The following ZNF185 variants were observed in gnomAD, a reference collection of about 807,000 sequenced individuals.
ZNF185 encodes the protein zinc finger protein 185.
Under a neutral mutation model 58.6 loss-of-function variants are expected in ZNF185, and 56 were observed. That is an observed-to-expected ratio of 0.95 (90% CI 0.77 to 1.19). The LOEUF (loss-of-function observed/expected upper bound fraction) is 1.19. ZNF185 is among the 50% of genes most tolerant of loss of function. The pLI is 0.00. For missense variants in ZNF185, 627 were observed against 573.5 expected (o/e 1.09, Z -0.95); for synonymous variants, 230 against 215.9 (o/e 1.07, Z -0.57).
upstream of ZNF185, chrX:152,914,424 T>C: frequency 2.0e-6 from 2 of 1,021,381 alleles, no homozygotes; most frequent in Non-Finnish European, 1.3e-6. Flanking sequence ...AGTGACAGCA[T>C]TTGCTTACCT....
chrX:152,899,453 A>C, the ZNF185 span, among the ~76,000 whole-genome samples: 8 of 112,825 alleles, frequency 7.1e-5, no homozygotes, highest in African/African-American at 2.6e-4. Flanking sequence ...TGTTCCCCTC[A>C]TCGCTCCCAG....
intron 9 of ZNF185, among the ~76,000 whole-genome samples, chrX:152,921,210 G>A (rs1556869395): frequency 8.9e-6 from 1 of 112,176 alleles, no homozygotes; most frequent in African/African-American, 3.2e-5. Flanking sequence ...AGCTGAATGA[G>A]GGAGGGGTGT....
At chrX:152,938,603 G>C (rs782780722) in intron 15 of ZNF185, among the ~76,000 whole-genome samples, 2 of 111,238 alleles carry the variant, frequency 1.8e-5, no homozygotes, top group Non-Finnish European at 3.8e-5. Context: ...GAGTGTCCTT[G>C]TTGGGGAGTG....
intron 16 of ZNF185, among the ~76,000 whole-genome samples, chrX:152,952,831 CTTT>C (rs34933153): frequency 3.7e-4 from 35 of 93,567 alleles, no homozygotes; most frequent in Admixed American, 3.5e-4. Context: ...TTCGTGATTA[CTTT>C]TTTTTTTTTT....
chrX:152,960,200 G>A (rs782274808), intron 17 of ZNF185, among the ~76,000 whole-genome samples: 2 of 112,092 alleles, frequency 1.8e-5, no homozygotes, highest in Admixed American at 9.4e-5. Context: ...GATATAGGTT[G>A]CTTTTTCTGT....
chrX:152,969,563 G>T, intron 21 of ZNF185, 79 bp downstream of exon 23: 1 of 785,238 alleles, frequency 1.3e-6, no homozygotes, highest in South Asian at 2.3e-5. Context: ...TGTAGAGTGC[G>T]GGAGTCTTAC....
intron 15 of ZNF185, among the ~76,000 whole-genome samples, chrX:152,939,491 C>T (rs1381484181): frequency 8.9e-6 from 1 of 112,038 alleles, no homozygotes; most frequent in Non-Finnish European, 1.9e-5. Flanking sequence ...GGAGAAACTA[C>T]GAAAAACTAG....
intron 7 of ZNF185, 110 bp from the exon 9 acceptor site, chrX:152,920,218 T>A (rs1373854631): frequency 1.5e-6 from 1 of 671,013 alleles, no homozygotes; most frequent in Non-Finnish European, 2.2e-6. Context: ...CTCTCACCCC[T>A]TGCCTCCCTG....
chrX:152,910,737 G>A (rs183763417), upstream of ZNF185, among the ~76,000 whole-genome samples: 36 of 112,266 alleles, frequency 3.2e-4, 1 homozygote, highest in African/African-American at 1.1e-3. Context: ...TGGACCAGCA[G>A]GCCTGCCCTT....
chrX:152,938,886 GCAACTCAGGCGAT>G (rs2046743764), intron 15 of ZNF185, among the ~76,000 whole-genome samples: 1 of 95,234 alleles, frequency 1.1e-5, no homozygotes, highest in South Asian at 4.7e-4. Context: ...GGTGGAAAAG[GCAACTCAGGCGAT>G]CTCCTCTAAA....
intron 12 of ZNF185, among the ~76,000 whole-genome samples, chrX:152,929,910 C>G (rs1180867598): frequency 1.8e-5 from 2 of 112,609 alleles, no homozygotes; most frequent in Non-Finnish European, 3.8e-5. Context: ...GCCTGAGATG[C>G]CCTTTCCCCT....
At chrX:152,941,841 A>G (rs1556890080) in intron 15 of ZNF185, 1 of 1,144,574 alleles carries the variant, frequency 8.7e-7, no homozygotes, top group Admixed American at 2.7e-5. Flanking sequence ...GTAAGGTCTG[A>G]AGCCGCGGCC....
chrX:152,947,061 A>C (rs2125780871), intron 16 of ZNF185, among the ~76,000 whole-genome samples: 1 of 112,125 alleles, frequency 8.9e-6, no homozygotes. Context: ...CAAGGTGATG[A>C]GGCTGCAAGT....
At chrX:152,918,664 C>T (rs1439707680) in intron 6 of ZNF185, among the ~76,000 whole-genome samples, 2 of 112,358 alleles carry the variant, frequency 1.8e-5, no homozygotes, top group African/African-American at 3.2e-5. Context: ...CCCCACCCCC[C>T]ACTGCATGCT....
chrX:152,938,959 T>A (rs1342397742), intron 15 of ZNF185, among the ~76,000 whole-genome samples: 1 of 105,067 alleles, frequency 9.5e-6, no homozygotes, highest in Non-Finnish European at 2.0e-5. Flanking sequence ...GAGCTATAGA[T>A]AAGGAACCAC....
chrX:152,949,098 T>C (rs1210242608), intron 16 of ZNF185, among the ~76,000 whole-genome samples: 1 of 99,516 alleles, frequency 1.0e-5, no homozygotes, highest in Non-Finnish European at 2.1e-5. Flanking sequence ...AAGTGACAAT[T>C]TAGAAAGCCA....
intron 5 of ZNF185, 36 bp from the exon 7 acceptor site, chrX:152,918,029 C>T: frequency 8.5e-7 from 1 of 1,169,878 alleles, no homozygotes; most frequent in Non-Finnish European, 1.1e-6. Flanking sequence ...CAGGAGGGAG[C>T]CTGCAGGTAG....
At chrX:152,904,755 G>A in the ZNF185 span, among the ~76,000 whole-genome samples, 1 of 111,935 alleles carries the variant, frequency 8.9e-6, no homozygotes, top group East Asian at 2.8e-4. Context: ...CCACAGCCAA[G>A]GCTCTCCCCA....
upstream of ZNF185, among the ~76,000 whole-genome samples, chrX:152,911,505 A>G (rs371130185): frequency 1.8e-5 from 2 of 110,941 alleles, no homozygotes; most frequent in Non-Finnish European, 1.9e-5. Context: ...CAGGCCAGGG[A>G]CCAGGGAGGA....
Sources: allele counts gnomAD v4.1 joint callset (sites outside exome capture counted in the v4.1 genomes callset), GRCh38; gene constraint gnomAD v4.1.1; transcripts MANE v1.5; gene names NCBI Gene and HGNC (gene_info 2026-07-23, HGNC 2026-07-21).